The following ETS1 variants were observed in gnomAD, a reference collection of about 807,000 sequenced individuals.
ETS1 encodes ETS proto-oncogene 1, transcription factor.
Under a neutral mutation model 58.6 loss-of-function variants are expected in ETS1, and 15 were observed. The observed-to-expected ratio is 0.26, with a 90% CI of 0.17 to 0.39. ETS1 has a LOEUF of 0.39. Ranked by LOEUF, ETS1 falls within the 10% of genes least tolerant of loss-of-function variation. The pLI is 1.00. For missense variants in ETS1, 417 were observed against 610.5 expected (o/e 0.68, Z 3.34); for synonymous variants, 214 against 218.2 (o/e 0.98, Z 0.17).
At chr11:128,482,779 T>C (rs1299555387) in intron 7 of ETS1, among the ~76,000 whole-genome samples, 1 of 152,184 alleles carries the variant, frequency 6.6e-6, no homozygotes, top group Non-Finnish European at 1.5e-5. Context: ...AACTGTCCAC[T>C]AGCCAGCCTT....
At chr11:128,572,681 C>T (rs1279263130) in intron 2 of ETS1, among the ~76,000 whole-genome samples, 2 of 152,072 alleles carry the variant, frequency 1.3e-5, no homozygotes, top group Non-Finnish European at 2.9e-5. Context: ...GCATTATTGG[C>T]TTTTTATGTC....
In ETS1 at chr11:128,458,885, CAA is replaced by C. The variant is rs1338724581; in HGVS notation, c.*3474_*3475del. The C allele has an allele frequency of 6.6e-6, 1 of 152,458 alleles. No homozygotes were observed. Among genetic ancestry groups the C allele is most frequent in the Non-Finnish European group, 1.5e-5 (1 of 67,944 alleles). 9.4% of individuals were successfully genotyped at this position (152,458 alleles called of 1,614,324 possible). A position where few individuals can be genotyped will look rare whatever the true frequency, so the allele number is the denominator to read the frequency against. ...TGCCAGCATCAGCTACTAAAATAAACAAACAAAAAACTCCGCCATAAGAATTT... is the reference window on the plus strand; with the variant it reads ...TGCCAGCATCAGCTACTAAAATAAACACAAAAAACTCCGCCATAAGAATTT... On this transcript the variant is annotated 3_prime_UTR_variant, in exon 10 of 10. Transcript: ENST00000392668. The surrounding 1 kb of genome is among the most constrained non-coding windows in gnomAD (Gnocchi z 4.3).
intron 2 of ETS1, among the ~76,000 whole-genome samples, chr11:128,568,617 C>G (rs1381102427): frequency 1.3e-5 from 2 of 152,192 alleles, no homozygotes; most frequent in African/African-American, 2.4e-5. Flanking sequence ...GCTGACCTTA[C>G]GCATGGGGAA....
Position 128,550,276 on chromosome 11 carries a change from G to C in ETS1, c.214+6015C>G, listed in dbSNP as rs142481354. Among the ~76,000 whole-genome samples, 38 of 152,304 alleles carry C rather than the reference G, an allele frequency of 2.5e-4. No homozygotes were observed. In the East Asian group the frequency reaches 6.4e-3, roughly 26 times the overall value. On this transcript the variant is annotated intron_variant, in intron 3 of 9. Transcript: ENST00000392668. Reference sequence around the variant, plus strand: ...CTCAAAATGTATACCAAAAGACCTTGTAATCTGAATATGAAATAGTACCAG... The same window carrying C: ...CTCAAAATGTATACCAAAAGACCTTCTAATCTGAATATGAAATAGTACCAG...
chr11:128,569,538 T>A lies in ETS1; in HGVS notation c.69+3524A>T, dbSNP rs7934867. Among the ~76,000 whole-genome samples, 691 of 151,934 alleles carry A rather than the reference T, an allele frequency of 4.5e-3. 7 individuals carry two copies. Among genetic ancestry groups the A allele is most frequent in the African/African-American group, 0.015 (626 of 41,402 alleles). ...CTTACCCCTCCAGGGTATCTTAGATTGCAACTGAATGTGAGGTTTGTTTGC... is the reference window on the plus strand; with the variant it reads ...CTTACCCCTCCAGGGTATCTTAGATAGCAACTGAATGTGAGGTTTGTTTGC... On this transcript the variant is annotated intron_variant, in intron 2 of 9. Coordinates refer to ENST00000392668, the MANE Select transcript of ETS1 (RefSeq NM_001143820.2).
chr11:128,483,795 C>T (rs750570121), intron 7 of ETS1, among the ~76,000 whole-genome samples: 5 of 152,174 alleles, frequency 3.3e-5, no homozygotes, highest in African/African-American at 4.8e-5. Context: ...CAATAGGCAC[C>T]GCATATGGTC....
intron 3 of ETS1, among the ~76,000 whole-genome samples, chr11:128,539,943 G>A (rs1004270782): frequency 5.3e-5 from 8 of 152,240 alleles, no homozygotes; most frequent in African/African-American, 1.7e-4. Flanking sequence ...ACCAGTAGCT[G>A]TTGAGGTGTG....
intron 1 of ETS1, among the ~76,000 whole-genome samples, chr11:128,577,784 G>C (rs1035373884): frequency 1.3e-5 from 2 of 152,092 alleles, no homozygotes; most frequent in African/African-American, 4.8e-5. Context: ...GCTTAGCTGG[G>C]GAGTAAATCT....
At position 128,489,484 on chromosome 11, in the gene ETS1, C is replaced by T. The variant is rs773557919; in HGVS notation, c.341G>A (p.Arg114Gln). The T allele has an allele frequency of 1.9e-5, 30 of 1,613,412 alleles. No homozygotes were observed. The highest frequency in any genetic ancestry group is 4.0e-5 in the African/African-American group (3 of 74,872). The change falls in exon 5 of 10, where the codon CGG becomes CAG. Residue 114 changes from arginine (R) to glutamine (Q), a missense_variant. By Grantham distance (43) the Arg-to-Gln change is conservative (BLOSUM62 1). Around this residue, in one of 4 missense-constraint regions of ETS1, gnomAD observed 132 missense variants for 212.1 expected, o/e 0.62. Transcript: ENST00000392668. ...QQRLGIPKDPRQWTETHVRDW... is the reference protein window; with the variant it reads ...QQRLGIPKDPQQWTETHVRDW... ...CCGAACATGGGTTTCTGTCCACTGCCGGGGGTCTGAGGAAAGAGATCAGAT... is the reference window on the plus strand; with the variant it reads ...CCGAACATGGGTTTCTGTCCACTGCTGGGGGTCTGAGGAAAGAGATCAGAT...
chr11:128,500,513 A>G (rs1863059601), intron 3 of ETS1, among the ~76,000 whole-genome samples: 1 of 151,402 alleles, frequency 6.6e-6, no homozygotes, highest in Admixed American at 6.6e-5. Flanking sequence ...CTGAAACCCC[A>G]CATGTCTCGG....
intron 2 of ETS1, among the ~76,000 whole-genome samples, chr11:128,570,134 A>G (rs1170708079): frequency 1.3e-5 from 2 of 152,020 alleles, no homozygotes; most frequent in Non-Finnish European, 1.5e-5. Context: ...GGATGACATT[A>G]TATTATATCT....
intron 1 of ETS1, among the ~76,000 whole-genome samples, chr11:128,581,690 C>T (rs1565419276): frequency 6.6e-6 from 1 of 152,128 alleles, no homozygotes; most frequent in East Asian, 1.9e-4. Flanking sequence ...AGATTAAAAA[C>T]GTCAACTCTA....
chr11:128,509,341 T>C (rs1019508116), intron 3 of ETS1, among the ~76,000 whole-genome samples: 2 of 152,252 alleles, frequency 1.3e-5, no homozygotes, highest in African/African-American at 4.8e-5. Context: ...TTGCATCAAG[T>C]AGCTTCAAGC....
chr11:128,472,205 T>C (rs1391633794), intron 8 of ETS1, among the ~76,000 whole-genome samples: 2 of 152,152 alleles, frequency 1.3e-5, no homozygotes, highest in Non-Finnish European at 2.9e-5. Flanking sequence ...GAGGCCTCCA[T>C]AAGAAACTCC....
chr11:128,499,721 C>T (rs1454951138), intron 3 of ETS1, among the ~76,000 whole-genome samples: 1 of 152,192 alleles, frequency 6.6e-6, no homozygotes, highest in Non-Finnish European at 1.5e-5. Flanking sequence ...CTACCGACAG[C>T]AGGCTCCATT....
At chr11:128,524,551 G>T (rs1863763730) in intron 3 of ETS1, among the ~76,000 whole-genome samples, 1 of 152,206 alleles carries the variant, frequency 6.6e-6, no homozygotes, top group Non-Finnish European at 1.5e-5. Flanking sequence ...ATAATAATCT[G>T]ATCAGGTCTG....
intron 2 of ETS1, among the ~76,000 whole-genome samples, chr11:128,567,177 G>A (rs74446945): frequency 0.037 from 5,702 of 152,282 alleles, 244 homozygotes; most frequent in African/African-American, 0.1. Context: ...TACCCTCTAT[G>A]CTGGTACCAA....
At chr11:128,474,577 C>T (rs904822780) in intron 8 of ETS1, among the ~76,000 whole-genome samples, 2 of 152,168 alleles carry the variant, frequency 1.3e-5, no homozygotes, top group African/African-American at 2.4e-5. Context: ...AATTTTCCTC[C>T]TCAGTGCTCC....
intron 3 of ETS1, among the ~76,000 whole-genome samples, chr11:128,543,010 T>C (rs1403593383): frequency 6.6e-6 from 1 of 151,786 alleles, no homozygotes; most frequent in African/African-American, 2.4e-5. Context: ...CCGTCTCTAC[T>C]AAAAAAATAC....
Sources: allele counts gnomAD v4.1 joint callset (sites outside exome capture counted in the v4.1 genomes callset), GRCh38; gene constraint gnomAD v4.1.1; regional missense constraint gnomAD v4.1.1; non-coding constraint Gnocchi (gnomAD v3.1); transcripts MANE v1.5; gene names NCBI Gene and HGNC (gene_info 2026-07-23, HGNC 2026-07-21).